Variants in CASZ1 observed in about 807,000 individuals in gnomAD.
CASZ1 encodes castor zinc finger 1.
In CASZ1, 28 loss-of-function variants were observed where a neutral mutation model predicts 135.2. The observed-to-expected ratio is 0.21, with a 90% confidence interval of 0.15 to 0.28. The LOEUF (loss-of-function observed/expected upper bound fraction) is 0.28. Ranked by LOEUF, CASZ1 falls within the 10% of genes least tolerant of loss-of-function variation. CASZ1 has a pLI of 1.00. For synonymous variants in CASZ1, 1,068 were observed against 1,073.4 expected (o/e 0.99, Z 0.10); for missense variants, 2,161 against 2,453.3 (o/e 0.88, Z 2.52).
At chr1:10,640,417 G>A (rs370865736) in intron 20 of CASZ1, among the ~76,000 whole-genome samples, 15 of 152,190 alleles carry the variant, frequency 9.9e-5, no homozygotes, top group Admixed American at 5.9e-4. Context: ...AATCTAGGTC[G>A]GCAGAGTGCA....
intron 2 of CASZ1, among the ~76,000 whole-genome samples, chr1:10,740,604 A>G (rs941204492): frequency 6.6e-6 from 1 of 152,196 alleles, no homozygotes; most frequent in African/African-American, 2.4e-5. Flanking sequence ...GTCTAGAAGC[A>G]GGAGGTGGAG....
In CASZ1 at chr1:10,699,761, G is replaced by C. The variant is rs1181458763; in HGVS notation, c.-24+5731C>G. Among the ~76,000 whole-genome samples, 1 of 152,168 alleles carries C rather than the reference G, an allele frequency of 6.6e-6. No homozygotes were observed. The highest frequency in any genetic ancestry group is 1.5e-5 in the Non-Finnish European group (1 of 68,036). ...CAAAATCCAACAGACTGATTCTCTT[G>C]TGTCTCCCTTCCCCTTTGTCTCACC... On this transcript the variant is annotated intron_variant, in intron 3 of 20. Transcript: ENST00000377022. The surrounding 1 kb of genome is among the most constrained non-coding windows in gnomAD (Gnocchi z 4.6).
At position 10,784,235 on chromosome 1, in the gene CASZ1, A is replaced by T. The variant is rs1483260371; in HGVS notation, c.-234+12329T>A. 2.0e-5 allele frequency among the ~76,000 whole-genome samples: 3 copies of T among 152,042 alleles called. No homozygotes were observed. In the East Asian group the frequency reaches 5.8e-4, roughly 29 times the overall value. ...GACCTTGGTCTTGGGAGCCCTCACG[A>T]CATCTGGGTGTGCCCCCGCCCTCCA... is the stretch of plus-strand genomic sequence containing the variant. On this transcript the variant is annotated intron_variant, in intron 1 of 20. Transcript: ENST00000377022.
chr1:10,665,298 C>T lies in CASZ1; in HGVS notation c.290G>A (p.Ser97Asn), dbSNP rs199562909. The T allele has an allele frequency of 1.9e-6, 3 of 1,613,074 alleles. No homozygotes were observed. In the East Asian group the frequency reaches 6.7e-5, roughly 36 times the overall value. ...VIEKWVNGEY[S>N]EEPAPTPVLG... is the part of the protein sequence containing the mutation. Reference sequence around the variant, plus strand: ...CACGGGTGTGGGTGCCGGCTCCTCGCTGTACTCCCCGTTCACCCACTTCTC... The same window carrying T: ...CACGGGTGTGGGTGCCGGCTCCTCGTTGTACTCCCCGTTCACCCACTTCTC... The change falls in exon 5 of 21, where the codon AGC (serine) becomes AAC (asparagine). Residue 97 changes from serine (S) to asparagine (N), a missense_variant. By Grantham distance (46) the Ser-to-Asn change is conservative. Coordinates refer to ENST00000377022, the MANE Select transcript of CASZ1 (RefSeq NM_001079843.3).
chr1:10,792,394 T>G lies in CASZ1; in HGVS notation c.-234+4170A>C, dbSNP rs538133401. Among the ~76,000 whole-genome samples the G allele has an allele frequency of 4.1e-4, 43 of 105,398 alleles. No individual in the cohort carries two copies. The East Asian group carries it at 8.6e-3, about 21-fold the overall frequency. The allele number at this position is 105,398 out of a possible 152,430, so 69.1% of individuals were successfully genotyped here. ...TGGAGGGGTGGGGTTGGGGGGGGTG[T>G]CCAGTTGAAAAAGTAAAGCAGTATA... On this transcript the variant is annotated intron_variant, in intron 1 of 20. Coordinates refer to ENST00000377022, the MANE Select transcript of CASZ1 (RefSeq NM_001079843.3).
rs114706306 is a variant in CASZ1 at position 10,713,964 on chromosome 1, G to A, written c.-76-8420C>T. 9.8e-3 allele frequency among the ~76,000 whole-genome samples: 1,490 copies of A among 152,266 alleles called. 26 individuals carry two copies. The highest frequency in any genetic ancestry group is 0.033 in the African/African-American group (1,374 of 41,540). ...CTTCAAAGGAGAAGAAAATTCAGTG[G>A]GTCCAGAGGCAGACTGTCCCATTTT... On this transcript the variant is annotated intron_variant, in intron 2 of 20. Transcript: ENST00000377022.
At chr1:10,733,140 G>A (rs1200061674) in intron 2 of CASZ1, among the ~76,000 whole-genome samples, 1 of 152,152 alleles carries the variant, frequency 6.6e-6, no homozygotes, top group African/African-American at 2.4e-5. Flanking sequence ...GAGGAGAAAG[G>A]AAAGAAAGAG....
At position 10,746,332 on chromosome 1, in the gene CASZ1, G is replaced by C. The variant is rs572428542; in HGVS notation, c.-77+14369C>G. Among the ~76,000 whole-genome samples the C allele has an allele frequency of 5.9e-5, 9 of 152,308 alleles. No individual in the cohort carries two copies. In the East Asian group the frequency reaches 1.5e-3, roughly 26 times the overall value. Reference sequence around the variant, plus strand: ...GGCCAAAAAGAAAAATCCTACCCCTGTTCCATCGAAACTTATTTTAGGGCA... The same window carrying C: ...GGCCAAAAAGAAAAATCCTACCCCTCTTCCATCGAAACTTATTTTAGGGCA... On this transcript the variant is annotated intron_variant, in intron 2 of 20. Transcript: ENST00000377022.
chr1:10,713,176 C>T (rs953769950), intron 2 of CASZ1, among the ~76,000 whole-genome samples: 1 of 152,246 alleles, frequency 6.6e-6, no homozygotes. Context: ...CTAACGAATC[C>T]TTCATCAGCA....
intron 3 of CASZ1, among the ~76,000 whole-genome samples, chr1:10,696,945 G>T (rs1638946931): frequency 1.3e-5 from 2 of 152,204 alleles, no homozygotes; most frequent in Admixed American, 1.3e-4. Flanking sequence ...GGCTACAGAG[G>T]AATGGCGGAA....
chr1:10,696,419 G>C (rs1638936060), intron 3 of CASZ1, among the ~76,000 whole-genome samples: 1 of 152,268 alleles, frequency 6.6e-6, no homozygotes, highest in Admixed American at 6.5e-5. Flanking sequence ...CTAAGCCTGG[G>C]AGTATGACTG....
intron 4 of CASZ1, among the ~76,000 whole-genome samples, chr1:10,690,442 T>C (rs770857546): frequency 6.6e-6 from 1 of 152,200 alleles, no homozygotes; most frequent in Non-Finnish European, 1.5e-5. Context: ...AGCATGGGGC[T>C]ACTGAGAATC....
intron 18 of CASZ1, 131 bp from the exon 19 acceptor site, chr1:10,643,442 G>A (rs1412690462): frequency 4.8e-5 from 48 of 1,000,102 alleles, no homozygotes; most frequent in Non-Finnish European, 6.5e-5. Flanking sequence ...GGGAAAGGGC[G>A]CTGAGCCGAG....
intron 2 of CASZ1, among the ~76,000 whole-genome samples, chr1:10,754,886 T>C (rs1322550275): frequency 6.6e-6 from 1 of 152,266 alleles, no homozygotes; most frequent in Non-Finnish European, 1.5e-5. Flanking sequence ...AAAGTCGCTT[T>C]TAATTGCTTT....
At chr1:10,734,775 C>G (rs1021751350) in intron 2 of CASZ1, among the ~76,000 whole-genome samples, 6 of 152,268 alleles carry the variant, frequency 3.9e-5, no homozygotes, top group Admixed American at 3.9e-4. Flanking sequence ...ACCGGAGCAC[C>G]ACAATGTTTG....
At position 10,709,856 on chromosome 1, in the gene CASZ1, C is replaced by T. The variant is rs1234629748; in HGVS notation, c.-76-4312G>A. On this transcript the variant is annotated intron_variant, in intron 2 of 20. Transcript: ENST00000377022. This position sits in a 1 kb window ranked among gnomAD's most constrained non-coding sequence, Gnocchi z 5.1. ...GTTAGCAGGACAATGAGGGGGCCGG[C>T]GGCCCGCACAGGCCAGCAGGTGCCC... 2.0e-5 allele frequency among the ~76,000 whole-genome samples: 3 copies of T among 152,162 alleles called. No homozygotes were observed. Among genetic ancestry groups the T allele is most frequent in the Non-Finnish European group, 2.9e-5 (2 of 68,032 alleles).
intron 4 of CASZ1, among the ~76,000 whole-genome samples, chr1:10,668,656 C>G (rs1291810941): frequency 6.6e-6 from 1 of 152,278 alleles, no homozygotes; most frequent in Non-Finnish European, 1.5e-5. Context: ...TGGCGCAGCA[C>G]CAGGGTATGG....
rs1338174596 is a variant in CASZ1 at position 10,755,748 on chromosome 1, C to T, written c.-77+4953G>A. Reference sequence around the variant, plus strand: ...AGGAAGATCAATAACTCTTCCCAGACCAACTCCCAGCCACATCTCTGCCCA... The same window carrying T: ...AGGAAGATCAATAACTCTTCCCAGATCAACTCCCAGCCACATCTCTGCCCA... On this transcript the variant is annotated intron_variant, in intron 2 of 20. Coordinates refer to ENST00000377022, the MANE Select transcript of CASZ1 (RefSeq NM_001079843.3). The surrounding 1 kb of genome is among the most constrained non-coding windows in gnomAD (Gnocchi z 4.3). Among the ~76,000 whole-genome samples the T allele has an allele frequency of 6.6e-6, 1 of 152,112 alleles. No individual in the cohort carries two copies. Among genetic ancestry groups the T allele is most frequent in the Non-Finnish European group, 1.5e-5 (1 of 68,020 alleles).
chr1:10,704,679 G>C (rs1432806402), intron 3 of CASZ1: 1 of 152,344 alleles, frequency 6.6e-6, no homozygotes, highest in African/African-American at 2.4e-5. Context: ...ACGGTGCCGT[G>C]TCTGTCCCCC....
Sources: allele counts gnomAD v4.1 joint callset (sites outside exome capture counted in the v4.1 genomes callset), GRCh38; gene constraint gnomAD v4.1.1; non-coding constraint Gnocchi (gnomAD v3.1); transcripts MANE v1.5; gene names NCBI Gene and HGNC (gene_info 2026-07-23, HGNC 2026-07-21).